Variants in PRTFDC1 observed in about 807,000 individuals in gnomAD.
PRTFDC1 encodes the protein phosphoribosyl transferase domain containing 1.
Under a neutral mutation model 34.6 loss-of-function variants are expected in PRTFDC1, and 38 were observed. The ratio of observed to expected loss-of-function variants is 1.10; its 90% CI spans 0.85 to 1.44. The LOEUF (loss-of-function observed/expected upper bound fraction) is 1.44, where lower values mean the gene tolerates loss of function less well. PRTFDC1 is among the 40% of genes most tolerant of loss of function. The pLI, the probability that PRTFDC1 is intolerant of heterozygous loss-of-function variation, is 0.00. For synonymous variants in PRTFDC1, 93 were observed against 98.1 expected, an observed-to-expected ratio of 0.95 and a Z score of 0.31; for missense variants, 270 against 283.0, an observed-to-expected ratio of 0.95 and a Z score of 0.33.
intron 4 of PRTFDC1, among the ~76,000 whole-genome samples, chr10:24,871,068 C>CCA (rs1847860323): frequency 2.4e-5 from 1 of 41,200 alleles, no homozygotes; most frequent in African/African-American, 9.3e-5. Context: ...AAGACTCTGT[C>CCA]TAAAAAAAAA....
At position 24,952,224 on chromosome 10, in the gene PRTFDC1, C is replaced by T. The variant is rs545443031; in HGVS notation, c.48+304G>A. 6.1e-4 allele frequency among the ~76,000 whole-genome samples: 93 copies of T among 152,298 alleles called. 1 individual carries two copies. Among genetic ancestry groups the T allele is most frequent in the Middle Eastern group, 3.4e-3 (1 of 294 alleles). The stretch of plus-strand genomic sequence containing the variant: ...CCCTGCCGGGCTCGCAGAAGCGACT[C>T]CCCGTGGCTCGCGGGGATGGGGACG... On this transcript the variant is annotated intron_variant, in intron 1 of 8. Coordinates refer to ENST00000320152, the MANE Select transcript of PRTFDC1 (RefSeq NM_020200.7). This position sits in a 1 kb window ranked among gnomAD's most constrained non-coding sequence, Gnocchi z 5.1.
intron 3 of PRTFDC1, among the ~76,000 whole-genome samples, chr10:24,907,114 T>C (rs1848548951): frequency 6.6e-6 from 1 of 151,982 alleles, no homozygotes; most frequent in African/African-American, 2.4e-5. Context: ...TAGGAAGCTG[T>C]GGCTAGAGAT....
At chr10:24,922,147 A>G (rs1369785494) in intron 3 of PRTFDC1, among the ~76,000 whole-genome samples, 2 of 152,224 alleles carry the variant, frequency 1.3e-5, no homozygotes. Flanking sequence ...TAATCTCAAA[A>G]AGATTTTCCT....
chr10:24,912,754 A>G (rs1848644807), intron 3 of PRTFDC1, among the ~76,000 whole-genome samples: 1 of 152,070 alleles, frequency 6.6e-6, no homozygotes, highest in South Asian at 2.1e-4. Flanking sequence ...TCGTGGCTGT[A>G]GCTTAAAATG....
chr10:24,876,282 T>C (rs1463533899), intron 3 of PRTFDC1, among the ~76,000 whole-genome samples: 3 of 152,264 alleles, frequency 2.0e-5, no homozygotes, highest in Non-Finnish European at 4.4e-5. Flanking sequence ...TGTACATTTT[T>C]TTTTTCCTGT....
intron 3 of PRTFDC1, among the ~76,000 whole-genome samples, chr10:24,872,676 C>T (rs962592936): frequency 9.6e-5 from 14 of 146,134 alleles, no homozygotes; most frequent in Non-Finnish European, 1.8e-4. Context: ...CAGAACTATA[C>T]GTGTGTGTGT....
At chr10:24,949,751 T>A (rs10828734) in intron 1 of PRTFDC1, among the ~76,000 whole-genome samples, 40,060 of 139,398 alleles carry the variant, frequency 0.29, 5,797 homozygotes, top group East Asian at 0.45. Flanking sequence ...TTTTTTTTTT[T>A]TTTTTAAGAA....
chr10:24,862,205 G>C (rs1325460757), intron 4 of PRTFDC1, among the ~76,000 whole-genome samples: 1 of 152,076 alleles, frequency 6.6e-6, no homozygotes, highest in African/African-American at 2.4e-5. Context: ...CAACAAAAAT[G>C]ATGATAATTT....
intron 3 of PRTFDC1, among the ~76,000 whole-genome samples, chr10:24,879,068 G>A (rs1848020432): frequency 6.6e-6 from 1 of 152,184 alleles, no homozygotes; most frequent in Admixed American, 6.5e-5. Flanking sequence ...AAGCTGGAGA[G>A]CTCCTAATTA....
intron 1 of PRTFDC1, among the ~76,000 whole-genome samples, chr10:24,951,295 C>T (rs1454872833): frequency 6.6e-6 from 1 of 152,090 alleles, no homozygotes; most frequent in East Asian, 1.9e-4. Flanking sequence ...TTGAAATTTT[C>T]TCTATTTGTT....
chr10:24,875,342 C>G (rs1258510303), intron 3 of PRTFDC1, among the ~76,000 whole-genome samples: 1 of 152,136 alleles, frequency 6.6e-6, no homozygotes, highest in African/African-American at 2.4e-5. Flanking sequence ...CAATAGAACA[C>G]CAGAACTTAT....
intron 3 of PRTFDC1, chr10:24,908,854 A>G: frequency 9.3e-7 from 1 of 1,079,712 alleles, no homozygotes; most frequent in Non-Finnish European, 1.3e-6. Flanking sequence ...CACCTCAAGA[A>G]AACCAGAAGA....
At chr10:24,911,000 A>C (rs1218661626) in intron 3 of PRTFDC1, among the ~76,000 whole-genome samples, 1 of 151,862 alleles carries the variant, frequency 6.6e-6, no homozygotes, top group Non-Finnish European at 1.5e-5. Context: ...AGGACTGTAC[A>C]CCTATTTCTT....
chr10:24,861,968 C>T (rs4561108), intron 4 of PRTFDC1, among the ~76,000 whole-genome samples: 127,492 of 151,906 alleles, frequency 0.84, 53,593 homozygotes, highest in African/African-American at 0.87. Context: ...AGAAAGTGCA[C>T]ATATTTCCTT....
At chr10:24,928,331 G>A (rs1329567382) in intron 3 of PRTFDC1, among the ~76,000 whole-genome samples, 1 of 152,112 alleles carries the variant, frequency 6.6e-6, no homozygotes, top group Non-Finnish European at 1.5e-5. Flanking sequence ...CCCCACAACT[G>A]AGGAACTCTT....
chr10:24,877,404 T>C (rs1343123015), intron 3 of PRTFDC1, among the ~76,000 whole-genome samples: 2 of 152,210 alleles, frequency 1.3e-5, no homozygotes, highest in African/African-American at 4.8e-5. Flanking sequence ...GTGTTTTTAA[T>C]GAACGTCGCT....
At chr10:24,857,046 T>C (rs376759732) in intron 5 of PRTFDC1, 51 bp from the exon 6 acceptor site, 7 of 1,452,254 alleles carry the variant, frequency 4.8e-6, no homozygotes, top group African/African-American at 2.8e-5. Context: ...AGCAGCACAA[T>C]AGACTTTTCA....
At chr10:24,907,242 T>G (rs1039216642) in intron 3 of PRTFDC1, among the ~76,000 whole-genome samples, 1 of 152,034 alleles carries the variant, frequency 6.6e-6, no homozygotes, top group African/African-American at 2.4e-5. Flanking sequence ...AATGGAAAAT[T>G]ACTCAGGAAA....
intron 3 of PRTFDC1, 49 bp from the exon 4 acceptor site, chr10:24,872,112 A>G (rs1847881167): frequency 2.0e-6 from 3 of 1,492,112 alleles, no homozygotes; most frequent in Non-Finnish European, 2.8e-6. Context: ...GCACAAGAAA[A>G]CCTTTAAAGC....
Sources: gnomAD v4.1 joint callset for allele counts (sites outside exome capture counted in the v4.1 genomes callset) on GRCh38, gnomAD v4.1.1 for gene constraint, Gnocchi (gnomAD v3.1) non-coding constraint, MANE v1.5 for transcripts, NCBI Gene and HGNC (gene_info 2026-07-23, HGNC 2026-07-21) for gene names.